The following NBEA variants were observed in gnomAD, a reference collection of about 807,000 sequenced individuals.
The protein encoded by NBEA is neurobeachin.
Under a neutral mutation model 343.4 loss-of-function variants are expected in NBEA, and 44 were observed. The observed-to-expected ratio is 0.13, with a 90% confidence interval of 0.10 to 0.16. The LOEUF (loss-of-function observed/expected upper bound fraction) is 0.16, where lower values mean the gene tolerates loss of function less well. Among genes scored for constraint, NBEA ranks in the 10% least tolerant of loss-of-function variants. NBEA has a pLI of 1.00. For missense variants in NBEA, 2,555 were observed against 3,631.3 expected, an observed-to-expected ratio of 0.70 and a Z score of 7.62; for synonymous variants, 1,175 against 1,238.7, an observed-to-expected ratio of 0.95 and a Z score of 1.08.
At chr13:35,090,061 A>AAAATAAATAAAC (rs1555300354) in intron 10 of NBEA, among the ~76,000 whole-genome samples, 1 of 145,106 alleles carries the variant, frequency 6.9e-6, no homozygotes, top group African/African-American at 2.5e-5. Flanking sequence ...AAAGTATAAT[A>AAAATAAATAAAC]AAATAAATAA....
At chr13:35,569,352 A>T (rs1315691626) in intron 45 of NBEA, among the ~76,000 whole-genome samples, 1 of 152,206 alleles carries the variant, frequency 6.6e-6, no homozygotes, top group Non-Finnish European at 1.5e-5. Flanking sequence ...AATAGCCATT[A>T]CTTAGACATT....
chr13:35,026,660 A>G (rs1347289811), intron 1 of NBEA, among the ~76,000 whole-genome samples: 1 of 152,132 alleles, frequency 6.6e-6, no homozygotes, highest in African/African-American at 2.4e-5. Flanking sequence ...GGCCAGCTAG[A>G]TTGTTAGCTT....
At chr13:35,131,600 G>T (rs1450558986) in intron 17 of NBEA, among the ~76,000 whole-genome samples, 1 of 152,128 alleles carries the variant, frequency 6.6e-6, no homozygotes, top group Admixed American at 6.5e-5. Context: ...GTAATGAAAT[G>T]TTAGAAGCAT....
At chr13:35,545,066 C>T (rs1290320402) in intron 41 of NBEA, among the ~76,000 whole-genome samples, 4 of 152,000 alleles carry the variant, frequency 2.6e-5, no homozygotes, top group African/African-American at 9.7e-5. Flanking sequence ...AAAAAGCAAA[C>T]TGAAAGAATT....
At chr13:35,295,916 T>C (rs2036099300) in intron 35 of NBEA, among the ~76,000 whole-genome samples, 1 of 152,174 alleles carries the variant, frequency 6.6e-6, no homozygotes, top group Admixed American at 6.5e-5. Context: ...AGTTAGCAGG[T>C]ATAAGAAATT....
chr13:35,510,720 A>G (rs536827005), intron 41 of NBEA, among the ~76,000 whole-genome samples: 1 of 152,220 alleles, frequency 6.6e-6, no homozygotes, highest in Non-Finnish European at 1.5e-5. Flanking sequence ...GGTACCAAAC[A>G]TTATGCTAGA....
intron 34 of NBEA, among the ~76,000 whole-genome samples, chr13:35,263,258 C>T (rs1337181973): frequency 1.3e-5 from 2 of 151,170 alleles, no homozygotes; most frequent in Non-Finnish European, 3.0e-5. Context: ...AAGTGGATAT[C>T]CACATGCAAA....
intron 10 of NBEA, among the ~76,000 whole-genome samples, chr13:35,091,086 T>G (rs2065057546): frequency 6.6e-6 from 1 of 151,998 alleles, no homozygotes. Flanking sequence ...GGCCCAGCCC[T>G]CATGTGGTCT....
At chr13:35,505,832 G>T (rs1419552758) in intron 41 of NBEA, among the ~76,000 whole-genome samples, 1 of 152,068 alleles carries the variant, frequency 6.6e-6, no homozygotes, top group Non-Finnish European at 1.5e-5. Flanking sequence ...AAATTAATTA[G>T]ATTTAAAGAC....
intron 44 of NBEA, among the ~76,000 whole-genome samples, chr13:35,561,681 A>G (rs1239502427): frequency 6.6e-6 from 1 of 152,154 alleles, no homozygotes; most frequent in Admixed American, 6.5e-5. Flanking sequence ...TATAAAGCAC[A>G]TGGTCTCAGT....
chr13:34,969,487 TG>T (rs1215837000), intron 1 of NBEA, among the ~76,000 whole-genome samples: 1 of 152,062 alleles, frequency 6.6e-6, no homozygotes, highest in African/African-American at 2.4e-5. Context: ...GGGTTTGTTG[TG>T]CAGTTTATTT....
intron 33 of NBEA, among the ~76,000 whole-genome samples, chr13:35,222,834 C>T (rs749200358): frequency 2.0e-5 from 3 of 152,054 alleles, no homozygotes; most frequent in African/African-American, 4.8e-5. Flanking sequence ...TATATCTTAA[C>T]GAAGAAACAG....
chr13:35,403,383 G>A (rs2043091236), intron 38 of NBEA, among the ~76,000 whole-genome samples: 1 of 151,878 alleles, frequency 6.6e-6, no homozygotes, highest in African/African-American at 2.4e-5. Flanking sequence ...GAGTGTCAAG[G>A]TATAAATGCA....
Position 35,169,038 on chromosome 13 carries a change from GT to G in NBEA, c.4242+47del, listed in dbSNP as rs759785659. ...AGTAATTTTCAGCTTTCAGTTTCAA[GT>G]TTTATTTTTACTTATTTATGAAATT... is the stretch of plus-strand genomic sequence containing the variant. On this transcript the variant is annotated intron_variant, in intron 25 of 58. Coordinates refer to ENST00000379939, the MANE Select transcript of NBEA (RefSeq NM_001385012.1). 2.8e-6 allele frequency: 4 copies of G among 1,423,088 alleles called. No homozygotes were observed. In the South Asian group the frequency reaches 5.9e-5, roughly 21 times the overall value. 88.2% of individuals were successfully genotyped at this position (1,423,088 alleles called of 1,614,324 possible).
intron 24 of NBEA, 88 bp from the exon 25 acceptor site, chr13:35,168,899 A>C: frequency 1.1e-6 from 1 of 930,542 alleles, no homozygotes; most frequent in East Asian, 3.0e-5. Context: ...TTTGTGTTTC[A>C]ATTTTACATT....
chr13:35,029,407 C>T (rs1245140081), intron 1 of NBEA, among the ~76,000 whole-genome samples: 2 of 151,356 alleles, frequency 1.3e-5, no homozygotes, highest in Non-Finnish European at 3.0e-5. Flanking sequence ...AGAGGGAACC[C>T]TGTATCATGC....
At chr13:35,545,214 C>T (rs189186418) in intron 41 of NBEA, among the ~76,000 whole-genome samples, 311 of 152,310 alleles carry the variant, frequency 2.0e-3, no homozygotes, top group African/African-American at 7.1e-3. Context: ...ACCATAAACT[C>T]AGTATTCAAC....
At chr13:35,570,435 A>G (rs1157450492) in intron 45 of NBEA, among the ~76,000 whole-genome samples, 1 of 152,232 alleles carries the variant, frequency 6.6e-6, no homozygotes, top group African/African-American at 2.4e-5. Context: ...TATAGTGTTA[A>G]GTAAATAATA....
chr13:35,650,146 G>A (rs2084446262), intron 52 of NBEA, among the ~76,000 whole-genome samples: 1 of 152,012 alleles, frequency 6.6e-6, no homozygotes, highest in Admixed American at 6.6e-5. Context: ...TTGCCTAACT[G>A]CAAAAAAATA....
Sources: gnomAD v4.1 joint callset for allele counts (sites outside exome capture counted in the v4.1 genomes callset) on GRCh38, gnomAD v4.1.1 for gene constraint, MANE v1.5 for transcripts, NCBI Gene and HGNC (gene_info 2026-07-23, HGNC 2026-07-21) for gene names.